The following RIMS1 variants were observed in gnomAD, a reference collection of about 807,000 sequenced individuals.
RIMS1 encodes the protein regulating synaptic membrane exocytosis 1, also known as regulating synaptic membrane exocytosis protein 1.
In RIMS1, 83 loss-of-function variants were observed where a neutral mutation model predicts 214.1. The ratio of observed to expected loss-of-function variants is 0.39; its 90% CI spans 0.32 to 0.47. RIMS1 has a LOEUF of 0.47. RIMS1 is among the 20% of genes least tolerant of loss of function. RIMS1 has a pLI of 0.99. For missense variants in RIMS1, 2,050 were observed against 2,161.8 expected (o/e 0.95, Z 1.03); for synonymous variants, 793 against 786.8 (o/e 1.01, Z -0.13).
chr6:72,384,544 A>C (rs1217487960), intron 29 of RIMS1, among the ~76,000 whole-genome samples: 1 of 152,044 alleles, frequency 6.6e-6, no homozygotes, highest in Non-Finnish European at 1.5e-5. Flanking sequence ...CATTGCACTT[A>C]CTGCTTTTCC....
intron 29 of RIMS1, among the ~76,000 whole-genome samples, chr6:72,343,308 T>C (rs2097155564): frequency 6.6e-6 from 1 of 151,720 alleles, no homozygotes; most frequent in African/African-American, 2.4e-5. Flanking sequence ...CTTAAGCCCA[T>C]TTAATGATTC....
intron 2 of RIMS1, among the ~76,000 whole-genome samples, chr6:72,072,623 G>A (rs1411079685): frequency 1.3e-5 from 2 of 152,152 alleles, no homozygotes; most frequent in African/African-American, 4.8e-5. Flanking sequence ...CAACACTTAA[G>A]GAGCACCTTG....
rs58751157 is a variant in RIMS1 at position 71,887,255 on chromosome 6, C to T, written c.164+68C>T. On this transcript the variant is annotated intron_variant, in intron 1 of 33. Coordinates refer to ENST00000521978, the MANE Select transcript of RIMS1 (RefSeq NM_014989.7). ...ATCCGTCCATTCACCACTCACTCCC[C>T]TAGTCCTCGCGGCTGAGTGTGGGGA... 131 of 1,539,694 alleles carry T rather than the reference C, an allele frequency of 8.5e-5. No homozygotes were observed. The African/African-American group carries it at 1.7e-3, about 20-fold the overall frequency.
At chr6:72,327,357 TTA>T (rs1221769019) in intron 28 of RIMS1, among the ~76,000 whole-genome samples, 3 of 151,850 alleles carry the variant, frequency 2.0e-5, no homozygotes, top group Non-Finnish European at 4.4e-5. Flanking sequence ...TCATTTCTTT[TTA>T]TGGTTGATAA....
At chr6:72,320,340 T>A (rs2096077485) in intron 28 of RIMS1, among the ~76,000 whole-genome samples, 2 of 152,150 alleles carry the variant, frequency 1.3e-5, no homozygotes, top group Admixed American at 1.3e-4. Context: ...ACTAAAGCAG[T>A]TCTACTAGTA....
intron 2 of RIMS1, among the ~76,000 whole-genome samples, chr6:72,017,561 G>A (rs1051642908): frequency 6.6e-6 from 1 of 152,126 alleles, no homozygotes; most frequent in African/African-American, 2.4e-5. Flanking sequence ...CACAATGGTG[G>A]CATTTGTTTA....
chr6:71,950,622 T>C (rs1465887054), intron 1 of RIMS1, among the ~76,000 whole-genome samples: 1 of 152,210 alleles, frequency 6.6e-6, no homozygotes, highest in Non-Finnish European at 1.5e-5. Context: ...GTTGCAAAGC[T>C]ATTAGAATAA....
chr6:72,251,461 T>G, intron 15 of RIMS1, 93 bp downstream of exon 15: 1 of 1,047,974 alleles, frequency 9.5e-7, no homozygotes, highest in Non-Finnish European at 1.3e-6. Context: ...TTAAATGTTT[T>G]ATTAGAGATC....
intron 22 of RIMS1, among the ~76,000 whole-genome samples, chr6:72,268,448 A>G (rs1233947002): frequency 6.6e-6 from 1 of 152,334 alleles, no homozygotes; most frequent in Non-Finnish European, 1.5e-5. Context: ...TTTGTCAACT[A>G]TGTATGGTCA....
chr6:72,276,847 T>G (rs1333727721), intron 23 of RIMS1, among the ~76,000 whole-genome samples: 1 of 152,210 alleles, frequency 6.6e-6, no homozygotes, highest in Non-Finnish European at 1.5e-5. Context: ...CTCATCAGCT[T>G]TATTTACTCA....
intron 19 of RIMS1, chr6:72,261,306 A>T: frequency 1.3e-5 from 13 of 997,636 alleles, no homozygotes; most frequent in Non-Finnish European, 1.6e-5. Context: ...AAGATATTCA[A>T]CCTGATCTTA....
chr6:72,271,892 A>G (rs2083576076), intron 22 of RIMS1, among the ~76,000 whole-genome samples: 1 of 152,194 alleles, frequency 6.6e-6, no homozygotes, highest in Non-Finnish European at 1.5e-5. Flanking sequence ...TTCCTTCTGC[A>G]GGGAGTTCAC....
chr6:72,034,338 TG>T (rs1168774835), intron 2 of RIMS1, among the ~76,000 whole-genome samples: 1 of 152,196 alleles, frequency 6.6e-6, no homozygotes, highest in Non-Finnish European at 1.5e-5. Context: ...TATACTTATT[TG>T]CTAAATCTGT....
chr6:72,110,375 C>A (rs1587217613), intron 4 of RIMS1, among the ~76,000 whole-genome samples: 1 of 151,868 alleles, frequency 6.6e-6, no homozygotes, highest in Non-Finnish European at 1.5e-5. Flanking sequence ...TCTTTTATTT[C>A]TTTGAGCAGT....
chr6:72,196,606 C>CTTTTTTTTTT (rs2051023272), intron 6 of RIMS1, among the ~76,000 whole-genome samples: 1 of 31,784 alleles, frequency 3.1e-5, no homozygotes, highest in African/African-American at 2.8e-4. Flanking sequence ...TTTTTTTTAC[C>CTTTTTTTTTT]TATACAGGAA....
intron 6 of RIMS1, among the ~76,000 whole-genome samples, chr6:72,231,937 G>A (rs985609777): frequency 6.6e-6 from 1 of 151,750 alleles, no homozygotes; most frequent in East Asian, 1.9e-4. Flanking sequence ...CGCCATATGA[G>A]AAATTGGGGC....
At chr6:71,893,717 T>C (rs1581920886) in intron 1 of RIMS1, among the ~76,000 whole-genome samples, 1 of 152,240 alleles carries the variant, frequency 6.6e-6, no homozygotes, top group African/African-American at 2.4e-5. Context: ...ATACACTTAT[T>C]TTGACTAGAT....
chr6:72,001,043 T>C (rs1472006975), intron 2 of RIMS1, among the ~76,000 whole-genome samples: 1 of 152,172 alleles, frequency 6.6e-6, no homozygotes, highest in African/African-American at 2.4e-5. Flanking sequence ...CATAAATTCA[T>C]ATTCTCTGCT....
chr6:72,180,196 T>C (rs2048221935), intron 5 of RIMS1, among the ~76,000 whole-genome samples: 1 of 152,204 alleles, frequency 6.6e-6, no homozygotes, highest in African/African-American at 2.4e-5. Context: ...GAAAAGCTCT[T>C]AGATCATGTT....
Sources: allele counts gnomAD v4.1 joint callset (sites outside exome capture counted in the v4.1 genomes callset), GRCh38; gene constraint gnomAD v4.1.1; transcripts MANE v1.5; gene names NCBI Gene and HGNC (gene_info 2026-07-23, HGNC 2026-07-21).